SMYD3: variants seen among roughly 807,000 people sequenced by gnomAD.
SMYD3 encodes the protein SET and MYND domain containing 3.
Under a neutral mutation model 57.7 loss-of-function variants are expected in SMYD3, and 36 were observed. The ratio of observed to expected loss-of-function variants is 0.62; its 90% CI spans 0.48 to 0.82. SMYD3 has a LOEUF of 0.82. Ranked by LOEUF, SMYD3 falls within the 40% of genes least tolerant of loss-of-function variation. The probability of loss-of-function intolerance (pLI) is 0.00; values close to 1 mark genes in which losing one functional copy is unlikely to be tolerated. For synonymous variants in SMYD3, 211 were observed against 195.0 expected (o/e 1.08, Z -0.68); for missense variants, 515 against 538.8 (o/e 0.96, Z 0.44).
At chr1:245,967,320 T>A (rs528404652) in intron 5 of SMYD3, among the ~76,000 whole-genome samples, 1 of 152,320 alleles carries the variant, frequency 6.6e-6, no homozygotes, top group South Asian at 2.1e-4. Flanking sequence ...TCTTTAAAGT[T>A]ATGGGCAACT....
chr1:245,925,720 C>G (rs2056327234), intron 7 of SMYD3, among the ~76,000 whole-genome samples: 1 of 152,290 alleles, frequency 6.6e-6, no homozygotes, highest in East Asian at 1.9e-4. Flanking sequence ...GGATGCAAAG[C>G]TAAGTGCTAA....
chr1:245,880,953 T>C (rs12031507), intron 8 of SMYD3, among the ~76,000 whole-genome samples: 82,905 of 152,100 alleles, frequency 0.55, 27,939 homozygotes, highest in Non-Finnish European at 0.76. Context: ...AAAGTTCACA[T>C]TGAGTACGGA....
In SMYD3 at chr1:246,200,302, T is replaced by G. The variant is rs528698240; in HGVS notation, c.531+126899A>C. On this transcript the variant is annotated intron_variant, in intron 5 of 11. Coordinates refer to ENST00000490107, the MANE Select transcript of SMYD3 (RefSeq NM_001167740.2). ...AGCGAGAATGTACACAGACGCCCACTGTAATAGAGAAGATAGAGGAGAACA... is the reference window on the plus strand; with the variant it reads ...AGCGAGAATGTACACAGACGCCCACGGTAATAGAGAAGATAGAGGAGAACA... 4.2e-3 allele frequency among the ~76,000 whole-genome samples: 640 copies of G among 151,258 alleles called. 3 individuals are homozygous for G. Among genetic ancestry groups the G allele is most frequent in the African/African-American group, 0.014 (566 of 41,168 alleles).
At chr1:246,086,185 T>C (rs549252373) in intron 5 of SMYD3, among the ~76,000 whole-genome samples, 1 of 152,186 alleles carries the variant, frequency 6.6e-6, no homozygotes, top group African/African-American at 2.4e-5. Context: ...CACCACAGCA[T>C]ACCTTTCTTA....
rs138391096 is a variant in SMYD3 at position 245,886,198 on chromosome 1, G to A, written c.814-22312C>T. Among the ~76,000 whole-genome samples, 60 of 152,168 alleles carry A rather than the reference G, an allele frequency of 3.9e-4. No homozygotes were observed. The East Asian group carries it at 0.01, about 27-fold the overall frequency. On this transcript the variant is annotated intron_variant, in intron 8 of 11. Coordinates refer to ENST00000490107, the MANE Select transcript of SMYD3 (RefSeq NM_001167740.2). ...CAAATGTGGAGACAACTGTTTTATG[G>A]GCCTTTAGCTACAGCTTTCCAATTT...
intron 1 of SMYD3, 65 bp downstream of exon 1, chr1:246,506,989 G>GCCCCCCCCCCCCCCCCCCCCCAC: frequency 1.5e-6 from 1 of 649,324 alleles, no homozygotes; most frequent in Non-Finnish European, 2.1e-6. Context: ...GCCGCCCGAC[G>GCCCCCCCCCCCCCCCCCCCCCAC]CCCCCCCCTC....
intron 5 of SMYD3, among the ~76,000 whole-genome samples, chr1:246,219,916 A>G (rs1310527138): frequency 6.6e-6 from 1 of 152,130 alleles, no homozygotes; most frequent in Non-Finnish European, 1.5e-5. Flanking sequence ...GACTCCAGCG[A>G]CCATGTACTC....
In SMYD3 at chr1:245,927,902, G is replaced by C. The variant is rs916691160; in HGVS notation, c.702+29C>G. On this transcript the variant is annotated intron_variant, in intron 7 of 11. Coordinates refer to ENST00000490107, the MANE Select transcript of SMYD3 (RefSeq NM_001167740.2). ...GAGAGGGTCTTTGATAGGAAAGAAG[G>C]CCAGGCTGGGAAGCATGAGTTTCCT... 2.5e-6 allele frequency: 4 copies of C among 1,575,270 alleles called. No homozygotes were observed. The Admixed American group carries it at 6.7e-5, about 26-fold the overall frequency.
intron 1 of SMYD3, among the ~76,000 whole-genome samples, chr1:246,396,892 T>C (rs1292481244): frequency 6.6e-6 from 1 of 152,248 alleles, no homozygotes; most frequent in Non-Finnish European, 1.5e-5. Flanking sequence ...CATGTGTCTT[T>C]ATAGCAGTGT....
At chr1:245,864,237 A>G (rs1168037532) in intron 8 of SMYD3, among the ~76,000 whole-genome samples, 1 of 152,248 alleles carries the variant, frequency 6.6e-6, no homozygotes, top group Non-Finnish European at 1.5e-5. Flanking sequence ...TAGAGTTACC[A>G]TATTAACAGT....
chr1:246,049,366 A>T (rs10399648), intron 5 of SMYD3, among the ~76,000 whole-genome samples: 25,957 of 151,904 alleles, frequency 0.17, 3,156 homozygotes, highest in East Asian at 0.39. Context: ...GTGCAACCTC[A>T]GCTCACTGCA....
At chr1:246,426,293 T>C (rs1402767832) in intron 1 of SMYD3, among the ~76,000 whole-genome samples, 1 of 152,222 alleles carries the variant, frequency 6.6e-6, no homozygotes, top group Non-Finnish European at 1.5e-5. Context: ...TTAAATGTAC[T>C]ATTCAATGGG....
intron 1 of SMYD3, among the ~76,000 whole-genome samples, chr1:246,398,943 A>G (rs1572461757): frequency 6.6e-6 from 1 of 152,004 alleles, no homozygotes; most frequent in East Asian, 1.9e-4. Context: ...TAGTCATACC[A>G]TAAAGGAGTA....
In SMYD3 at chr1:245,774,838, T is replaced by C. The variant is rs577588789; in HGVS notation, c.1077-10689A>G. ...GCCTCAGCCTGCCGAGTGCCTGCGA[T>C]TGCAGGGGTGCACCGCCACGCCTGA... is the stretch of plus-strand genomic sequence containing the variant. On this transcript the variant is annotated intron_variant, in intron 10 of 11. Transcript: ENST00000490107. Among the ~76,000 whole-genome samples the C allele has an allele frequency of 7.0e-3, 1,073 of 152,250 alleles. 11 individuals are homozygous for C. The highest frequency in any genetic ancestry group is 0.024 in the African/African-American group (1,000 of 41,568).
At chr1:245,964,704 T>G (rs1279224478) in intron 5 of SMYD3, among the ~76,000 whole-genome samples, 1 of 151,828 alleles carries the variant, frequency 6.6e-6, no homozygotes, top group Non-Finnish European at 1.5e-5. Flanking sequence ...GACCAACTTA[T>G]TAGGAGACTG....
chr1:245,998,537 A>G (rs1273823379), intron 5 of SMYD3, among the ~76,000 whole-genome samples: 2 of 152,208 alleles, frequency 1.3e-5, no homozygotes, highest in Non-Finnish European at 2.9e-5. Context: ...GAGGATGTAG[A>G]GAAACTGGAA....
At chr1:245,889,067 C>G (rs2053239654) in intron 8 of SMYD3, among the ~76,000 whole-genome samples, 1 of 152,150 alleles carries the variant, frequency 6.6e-6, no homozygotes, top group Non-Finnish European at 1.5e-5. Flanking sequence ...AATTTAACCT[C>G]TTTCCATATC....
intron 5 of SMYD3, among the ~76,000 whole-genome samples, chr1:246,215,388 G>A (rs1002337284): frequency 1.3e-5 from 2 of 152,022 alleles, no homozygotes; most frequent in African/African-American, 2.4e-5. Context: ...ATAACTTTGA[G>A]ATCATCAAAA....
intron 5 of SMYD3, among the ~76,000 whole-genome samples, chr1:245,999,526 T>G (rs1252976250): frequency 6.6e-6 from 1 of 152,132 alleles, no homozygotes; most frequent in Non-Finnish European, 1.5e-5. Context: ...CCAGAAACTC[T>G]TGACCTGGAA....
Sources: gnomAD v4.1 joint callset for allele counts (sites outside exome capture counted in the v4.1 genomes callset) on GRCh38, gnomAD v4.1.1 for gene constraint, MANE v1.5 for transcripts, NCBI Gene and HGNC (gene_info 2026-07-23, HGNC 2026-07-21) for gene names.